Variants in ASTN2 observed in about 807,000 individuals in gnomAD.
ASTN2 encodes astrotactin 2.
Under a neutral mutation model 139.8 loss-of-function variants are expected in ASTN2, and 54 were observed. The observed-to-expected ratio is 0.39, with a 90% CI of 0.31 to 0.48. ASTN2 has a LOEUF of 0.48. Ranked by LOEUF, ASTN2 falls within the 20% of genes least tolerant of loss-of-function variation. The probability of loss-of-function intolerance (pLI) is 0.95; values close to 1 mark genes in which losing one functional copy is unlikely to be tolerated. For missense variants in ASTN2, 1,565 were observed against 1,725.1 expected (o/e 0.91, Z 1.64); for synonymous variants, 756 against 719.5 (o/e 1.05, Z -0.81).
intron 22 of ASTN2, among the ~76,000 whole-genome samples, chr9:116,439,117 A>C (rs1399017504): frequency 6.8e-6 from 1 of 147,658 alleles, no homozygotes; most frequent in Admixed American, 6.9e-5. Context: ...TTGAAGGGTT[A>C]GGTTTAATTT....
Position 116,777,776 on chromosome 9 carries a change from A to T in ASTN2, c.2396+27856T>A, listed in dbSNP as rs187265702. 6.6e-5 allele frequency among the ~76,000 whole-genome samples: 10 copies of T among 152,348 alleles called. No individual in the cohort carries two copies. In the East Asian group the frequency reaches 1.7e-3, roughly 26 times the overall value. ...AAATAACTCACCTGAAAATCTTTTT[A>T]AAATGCAGATTCTAATTTAGTGAAG... On this transcript the variant is annotated intron_variant, in intron 13 of 22. Coordinates refer to ENST00000313400, the MANE Select transcript of ASTN2 (RefSeq NM_001365068.1).
At chr9:116,441,353 C>T (rs1435561384) in intron 21 of ASTN2, among the ~76,000 whole-genome samples, 1 of 151,972 alleles carries the variant, frequency 6.6e-6, no homozygotes, top group African/African-American at 2.4e-5. Flanking sequence ...AAGGCATATT[C>T]TTCCAGCTTC....
At chr9:116,799,898 T>G (rs962851225) in intron 13 of ASTN2, among the ~76,000 whole-genome samples, 32 of 152,232 alleles carry the variant, frequency 2.1e-4, no homozygotes, top group African/African-American at 7.5e-4. Flanking sequence ...CAACAAAGCT[T>G]GACATCACTT....
At chr9:116,954,817 C>T (rs1835666032) in intron 10 of ASTN2, among the ~76,000 whole-genome samples, 1 of 152,176 alleles carries the variant, frequency 6.6e-6, no homozygotes, top group Admixed American at 6.5e-5. Context: ...AAAGTATGGT[C>T]CATTGATCAG....
At chr9:116,544,471 T>C (rs138635687) in intron 19 of ASTN2, among the ~76,000 whole-genome samples, 1,897 of 152,354 alleles carry the variant, frequency 0.012, 18 homozygotes, top group Non-Finnish European at 0.021. Context: ...TTTGCTCCTT[T>C]AAAATTTTTA....
At chr9:117,137,212 C>T (rs1346368399) in intron 4 of ASTN2, among the ~76,000 whole-genome samples, 1 of 152,186 alleles carries the variant, frequency 6.6e-6, no homozygotes, top group African/African-American at 2.4e-5. Context: ...TCAGCCTCCA[C>T]CAGGCCTCTC....
chr9:117,350,599 A>G (rs566148089), intron 1 of ASTN2, among the ~76,000 whole-genome samples: 1 of 152,024 alleles, frequency 6.6e-6, no homozygotes, highest in African/African-American at 2.4e-5. Flanking sequence ...AAGAAAAGAA[A>G]AGAAAAATCA....
At chr9:116,709,500 T>C (rs1828084366) in intron 16 of ASTN2, among the ~76,000 whole-genome samples, 1 of 152,222 alleles carries the variant, frequency 6.6e-6, no homozygotes, top group African/African-American at 2.4e-5. Context: ...GCGGTCCTTT[T>C]AGCACTGAAT....
intron 10 of ASTN2, among the ~76,000 whole-genome samples, chr9:116,924,274 A>G (rs1163472382): frequency 6.6e-6 from 1 of 151,390 alleles, no homozygotes; most frequent in Non-Finnish European, 1.5e-5. Context: ...AAAAAAAAAA[A>G]AAAAACTTAG....
intron 19 of ASTN2, among the ~76,000 whole-genome samples, chr9:116,507,140 A>G (rs2119166155): frequency 6.6e-6 from 1 of 152,304 alleles, no homozygotes; most frequent in South Asian, 2.1e-4. Context: ...CTCATTTTGA[A>G]GATGAAGAAA....
intron 22 of ASTN2, among the ~76,000 whole-genome samples, chr9:116,439,208 T>C (rs1370659601): frequency 9.3e-6 from 1 of 107,296 alleles, no homozygotes; most frequent in African/African-American, 3.9e-5. Context: ...TTTTTTTTTT[T>C]TTTTTTTTTT....
intron 16 of ASTN2, among the ~76,000 whole-genome samples, chr9:116,662,532 C>G (rs1858624636): frequency 6.6e-6 from 1 of 152,040 alleles, no homozygotes; most frequent in African/African-American, 2.4e-5. Flanking sequence ...GAGATTGCAC[C>G]ATTGCACTCC....
At position 116,629,407 on chromosome 9, in the gene ASTN2, G is replaced by A. The variant is rs147161081; in HGVS notation, c.3073-8964C>T. Among the ~76,000 whole-genome samples, 462 of 152,164 alleles carry A rather than the reference G, an allele frequency of 3.0e-3. 1 individual carries two copies. The highest frequency in any genetic ancestry group is 9.0e-3 in the African/African-American group (372 of 41,522). On this transcript the variant is annotated intron_variant, in intron 17 of 22. Transcript: ENST00000313400. ...GCTGGGATTACAGGCGTGAGCCACCGCGCCCGGCCTGTTTCCAGTAATTCT... is the reference window on the plus strand; with the variant it reads ...GCTGGGATTACAGGCGTGAGCCACCACGCCCGGCCTGTTTCCAGTAATTCT...
intron 13 of ASTN2, among the ~76,000 whole-genome samples, chr9:116,791,872 A>G (rs577099257): frequency 2.0e-4 from 31 of 152,292 alleles, no homozygotes; most frequent in South Asian, 1.5e-3. Flanking sequence ...AACAAAACCA[A>G]AAAAGGGGGG....
At chr9:117,388,944 A>G (rs1400859509) in intron 1 of ASTN2, among the ~76,000 whole-genome samples, 1 of 152,236 alleles carries the variant, frequency 6.6e-6, no homozygotes, top group African/African-American at 2.4e-5. Context: ...TGTGCAAAGA[A>G]ACAAGTACAG....
intron 15 of ASTN2, among the ~76,000 whole-genome samples, chr9:116,727,327 C>T (rs931887700): frequency 6.6e-5 from 10 of 152,166 alleles, no homozygotes; most frequent in Admixed American, 2.6e-4. Flanking sequence ...CAAGAACAGC[C>T]AACACTGTGC....
chr9:116,656,288 C>T (rs55825737), intron 16 of ASTN2, among the ~76,000 whole-genome samples: 5,171 of 152,152 alleles, frequency 0.034, 272 homozygotes, highest in African/African-American at 0.12. Context: ...ATTACAAGGA[C>T]GATAACTAAT....
At chr9:116,845,729 T>C (rs1832410654) in intron 11 of ASTN2, among the ~76,000 whole-genome samples, 2 of 152,300 alleles carry the variant, frequency 1.3e-5, no homozygotes, top group Admixed American at 6.5e-5. Context: ...TAATGAGTGT[T>C]GGTGAAGATG....
chr9:116,458,312 G>A (rs759832454), intron 20 of ASTN2, among the ~76,000 whole-genome samples: 1 of 151,782 alleles, frequency 6.6e-6, no homozygotes, highest in African/African-American at 2.4e-5. Context: ...TAGCAAAAGA[G>A]AGTGACTACA....
Sources: allele counts gnomAD v4.1 joint callset (sites outside exome capture counted in the v4.1 genomes callset), GRCh38; gene constraint gnomAD v4.1.1; transcripts MANE v1.5; gene names NCBI Gene and HGNC (gene_info 2026-07-23, HGNC 2026-07-21).